THSD7B: variants seen among roughly 807,000 people sequenced by gnomAD.
THSD7B encodes thrombospondin type 1 domain containing 7B.
Under a neutral mutation model 213.6 loss-of-function variants are expected in THSD7B, and 138 were observed. The ratio of observed to expected loss-of-function variants is 0.65; its 90% confidence interval spans 0.56 to 0.74. THSD7B has a LOEUF of 0.74. Ranked by LOEUF, THSD7B falls within the 30% of genes least tolerant of loss-of-function variation. THSD7B has a pLI of 0.00. For missense variants in THSD7B, 1,931 were observed against 1,991.5 expected, an observed-to-expected ratio of 0.97 and a Z score of 0.58; for synonymous variants, 742 against 687.0, an observed-to-expected ratio of 1.08 and a Z score of -1.25.
intron 7 of THSD7B, among the ~76,000 whole-genome samples, chr2:137,173,539 C>A (rs1405270703): frequency 6.6e-6 from 1 of 152,108 alleles, no homozygotes; most frequent in Non-Finnish European, 1.5e-5. Flanking sequence ...TAATTTTCAG[C>A]TTTTGACCTA....
intron 20 of THSD7B, among the ~76,000 whole-genome samples, chr2:137,624,891 T>C (rs1682593774): frequency 6.6e-6 from 1 of 151,918 alleles, no homozygotes; most frequent in African/African-American, 2.4e-5. Flanking sequence ...TGTAAACGAG[T>C]TCAACCATTG....
intron 1 of THSD7B, among the ~76,000 whole-genome samples, chr2:136,787,601 G>A (rs2104911338): frequency 6.6e-6 from 1 of 152,242 alleles, no homozygotes; most frequent in Non-Finnish European, 1.5e-5. Context: ...AAATCTCTTG[G>A]AGATTTGGAG....
At chr2:137,081,152 C>T (rs1037911900) in intron 3 of THSD7B, among the ~76,000 whole-genome samples, 3 of 151,890 alleles carry the variant, frequency 2.0e-5, no homozygotes, top group Non-Finnish European at 2.9e-5. Flanking sequence ...AAAGTTTAAT[C>T]GTTTTACTAG....
intron 15 of THSD7B, among the ~76,000 whole-genome samples, chr2:137,489,435 A>G (rs1158197052): frequency 2.6e-5 from 4 of 152,122 alleles, no homozygotes; most frequent in Admixed American, 6.6e-5. Context: ...AAAAAAGAAA[A>G]AAAAGAAAAA....
chr2:137,173,246 C>T (rs911384662), intron 7 of THSD7B, among the ~76,000 whole-genome samples: 4 of 152,134 alleles, frequency 2.6e-5, no homozygotes, highest in African/African-American at 7.2e-5. Flanking sequence ...GAAGAGCATT[C>T]TTTTAAAACA....
At chr2:137,358,798 T>C (rs1307149586) in intron 12 of THSD7B, among the ~76,000 whole-genome samples, 1 of 152,196 alleles carries the variant, frequency 6.6e-6, no homozygotes, top group Non-Finnish European at 1.5e-5. Context: ...TGAATTCTTA[T>C]TCAATGGCTA....
intron 7 of THSD7B, among the ~76,000 whole-genome samples, chr2:137,174,830 A>G (rs1680329543): frequency 6.6e-6 from 1 of 152,216 alleles, no homozygotes; most frequent in Non-Finnish European, 1.5e-5. Context: ...TTGAATATGC[A>G]TAGGTTATTC....
intron 17 of THSD7B, among the ~76,000 whole-genome samples, chr2:137,613,074 A>G (rs1036815201): frequency 1.3e-5 from 2 of 152,098 alleles, no homozygotes; most frequent in African/African-American, 4.8e-5. Context: ...ACAGGTCTAA[A>G]ACCAGAGTGG....
rs73958338 is a variant in THSD7B, at chr2:137,109,874, C to T, written c.1200-5250C>T. ...CTCTGGCCTATGAGGTTCCACATAA[C>T]GTGGCTCTTGACTACTCTTTATATC... is the stretch of plus-strand genomic sequence containing the variant. On this transcript the variant is annotated intron_variant, in intron 4 of 27. Transcript: ENST00000409968. 4.2e-3 allele frequency among the ~76,000 whole-genome samples: 642 copies of T among 152,268 alleles called. 3 individuals are homozygous for T. Among genetic ancestry groups the T allele is most frequent in the African/African-American group, 0.015 (612 of 41,552 alleles).
intron 15 of THSD7B, among the ~76,000 whole-genome samples, chr2:137,457,844 TA>T (rs1238989401): frequency 3.3e-5 from 5 of 152,104 alleles, no homozygotes; most frequent in Non-Finnish European, 7.4e-5. Context: ...AATTAACAGA[TA>T]AAAATGCAAA....
intron 2 of THSD7B, among the ~76,000 whole-genome samples, chr2:137,006,209 C>T (rs193045321): frequency 0.01 from 1,577 of 152,036 alleles, 20 homozygotes; most frequent in African/African-American, 0.036. Context: ...CTGGCTAACA[C>T]GGTGAAACCC....
intron 5 of THSD7B, among the ~76,000 whole-genome samples, chr2:137,150,925 G>C (rs538324981): frequency 6.6e-6 from 1 of 152,264 alleles, no homozygotes; most frequent in African/African-American, 2.4e-5. Context: ...AAAAGATACA[G>C]TAAAAATACA....
At chr2:136,833,014 T>G (rs1455187999) in intron 1 of THSD7B, among the ~76,000 whole-genome samples, 1 of 152,142 alleles carries the variant, frequency 6.6e-6, no homozygotes, top group Non-Finnish European at 1.5e-5. Flanking sequence ...TAATAGACTT[T>G]ATTTGTGTTG....
At chr2:136,772,833 G>T (rs1681532930) in intron 1 of THSD7B, among the ~76,000 whole-genome samples, 1 of 152,110 alleles carries the variant, frequency 6.6e-6, no homozygotes, top group African/African-American at 2.4e-5. Context: ...TCTGTTTCTT[G>T]AAAGTATTTT....
rs1395822344 is a variant in THSD7B at position 137,546,427 on chromosome 2, T to A, written c.3139-16794T>A. ...TATTATATATATATTATATATATTATATATATATTATATATATTATATATA... is the reference window on the plus strand; with the variant it reads ...TATTATATATATATTATATATATTAAATATATATTATATATATTATATATA... On this transcript the variant is annotated intron_variant, in intron 15 of 27. Coordinates refer to ENST00000409968, the MANE Select transcript of THSD7B (RefSeq NM_001316349.2). Among the ~76,000 whole-genome samples the A allele has an allele frequency of 1.6e-4, 4 of 24,934 alleles. 1 individual carries two copies. Among genetic ancestry groups the A allele is most frequent in the Admixed American group, 6.9e-4 (1 of 1,448 alleles). The allele number at this position is 24,934 out of a possible 152,430, so 16.4% of individuals were successfully genotyped here.
intron 15 of THSD7B, among the ~76,000 whole-genome samples, chr2:137,483,575 A>ATTTAT (rs970907555): frequency 2.0e-5 from 3 of 152,184 alleles, no homozygotes; most frequent in African/African-American, 7.2e-5. Flanking sequence ...ATTATTGTCT[A>ATTTAT]TTTATTTTAT....
chr2:136,925,499 T>A (rs1018451583), intron 2 of THSD7B, among the ~76,000 whole-genome samples: 1 of 152,248 alleles, frequency 6.6e-6, no homozygotes, highest in Non-Finnish European at 1.5e-5. Flanking sequence ...CACTGAGCCA[T>A]CCTTGAATTC....
intron 15 of THSD7B, among the ~76,000 whole-genome samples, chr2:137,487,734 T>TAAGGTGTTTAGC (rs1573655780): frequency 1.7e-5 from 1 of 57,220 alleles, no homozygotes; most frequent in African/African-American, 5.2e-5. Context: ...TGAGGTTTCT[T>TAAGGTGTTTAGC]TCTTTTTTTT....
chr2:136,798,292 C>T (rs947766531), intron 1 of THSD7B, among the ~76,000 whole-genome samples: 1 of 151,842 alleles, frequency 6.6e-6, no homozygotes, highest in African/African-American at 2.4e-5. Context: ...TAATGATAGA[C>T]TAGGGTTGAC....
Sources: gnomAD v4.1 joint callset for allele counts (sites outside exome capture counted in the v4.1 genomes callset) on GRCh38, gnomAD v4.1.1 for gene constraint, MANE v1.5 for transcripts, NCBI Gene and HGNC (gene_info 2026-07-23, HGNC 2026-07-21) for gene names.